JMJD1C: variants seen among roughly 807,000 people sequenced by gnomAD.
JMJD1C encodes jumonji domain-containing protein 1C.
Under a neutral mutation model 245.3 loss-of-function variants are expected in JMJD1C, and 31 were observed. The ratio of observed to expected loss-of-function variants is 0.13; its 90% CI spans 0.09 to 0.17. JMJD1C has a LOEUF of 0.17. JMJD1C is among the 10% of genes least tolerant of loss of function. JMJD1C has a pLI of 1.00. For missense variants in JMJD1C, 2,691 were observed against 3,000.2 expected, an observed-to-expected ratio of 0.90 and a Z score of 2.41; for synonymous variants, 1,057 against 1,017.4, an observed-to-expected ratio of 1.04 and a Z score of -0.74.
chr10:63,412,561 C>A (rs1240509613), intron 1 of JMJD1C, among the ~76,000 whole-genome samples: 1 of 152,112 alleles, frequency 6.6e-6, no homozygotes, highest in African/African-American at 2.4e-5. Flanking sequence ...CAGGAGGTGG[C>A]TAAAAACCTA....
intron 1 of JMJD1C, among the ~76,000 whole-genome samples, chr10:63,476,945 G>A (rs1252805209): frequency 6.6e-6 from 1 of 151,886 alleles, no homozygotes; most frequent in African/African-American, 2.4e-5. Context: ...CATCACTACA[G>A]ATTCTACAAA....
intron 1 of JMJD1C, among the ~76,000 whole-genome samples, chr10:63,380,854 G>A (rs1011637629): frequency 3.3e-5 from 5 of 152,216 alleles, no homozygotes; most frequent in African/African-American, 1.2e-4. Flanking sequence ...ATGGAAAACA[G>A]TATGGAGGTT....
intron 1 of JMJD1C, among the ~76,000 whole-genome samples, chr10:63,463,640 A>T (rs961947661): frequency 7.9e-5 from 12 of 152,192 alleles, no homozygotes; most frequent in African/African-American, 2.9e-4. Context: ...TAATATTCAA[A>T]TTTTCAAATA....
At chr10:63,370,297 C>T (rs1021855432) in intron 2 of JMJD1C, among the ~76,000 whole-genome samples, 1 of 152,202 alleles carries the variant, frequency 6.6e-6, no homozygotes, top group African/African-American at 2.4e-5. Flanking sequence ...AAACTTGAAA[C>T]TAGTGCCAGA....
intron 2 of JMJD1C, among the ~76,000 whole-genome samples, chr10:63,266,509 T>C (rs945566102): frequency 6.6e-6 from 1 of 152,164 alleles, no homozygotes; most frequent in African/African-American, 2.4e-5. Context: ...ACATGAAATA[T>C]GTAACATAAA....
At chr10:63,416,497 T>C (rs1284302660) in intron 1 of JMJD1C, among the ~76,000 whole-genome samples, 3 of 152,174 alleles carry the variant, frequency 2.0e-5, no homozygotes, top group Admixed American at 2.0e-4. Flanking sequence ...TAAACATTTC[T>C]TTGGCATGTT....
chr10:63,325,076 G>T (rs1299837519), intron 2 of JMJD1C, among the ~76,000 whole-genome samples: 2 of 152,116 alleles, frequency 1.3e-5, no homozygotes, highest in African/African-American at 4.8e-5. Context: ...AGCATACTGA[G>T]ACTAGATGTC....
At chr10:63,173,558 C>CA (rs1429678869) in intron 24 of JMJD1C, among the ~76,000 whole-genome samples, 1 of 152,002 alleles carries the variant, frequency 6.6e-6, no homozygotes, top group Non-Finnish European at 1.5e-5. Flanking sequence ...CCCATCTCCA[C>CA]AAAAAATTAA....
At chr10:63,243,415 A>G (rs993768930) in intron 3 of JMJD1C, among the ~76,000 whole-genome samples, 2 of 151,956 alleles carry the variant, frequency 1.3e-5, no homozygotes, top group Admixed American at 6.6e-5. Context: ...AATCCCAGCT[A>G]CTTGGGAGGC....
intron 1 of JMJD1C, among the ~76,000 whole-genome samples, chr10:63,511,729 AT>A (rs1172395532): frequency 1.3e-5 from 2 of 149,846 alleles, no homozygotes; most frequent in South Asian, 2.1e-4. Flanking sequence ...AAAAAAAAAA[AT>A]ATATACAGTA....
At chr10:63,227,182 G>A (rs937192471) in intron 3 of JMJD1C, among the ~76,000 whole-genome samples, 1 of 152,052 alleles carries the variant, frequency 6.6e-6, no homozygotes, top group Non-Finnish European at 1.5e-5. Context: ...TAACCATCTA[G>A]GTAATATAAA....
At chr10:63,324,227 A>G (rs982998624) in intron 2 of JMJD1C, among the ~76,000 whole-genome samples, 2 of 151,788 alleles carry the variant, frequency 1.3e-5, no homozygotes, top group Non-Finnish European at 2.9e-5. Flanking sequence ...TCATGCTTAC[A>G]ACATAAAATG....
intron 1 of JMJD1C, among the ~76,000 whole-genome samples, chr10:63,444,065 C>A (rs1039213237): frequency 2.0e-5 from 3 of 152,192 alleles, no homozygotes; most frequent in African/African-American, 4.8e-5. Context: ...TGACCACATA[C>A]ATAATCAATA....
chr10:63,193,554 T>A, intron 14 of JMJD1C, 82 bp from the exon 15 acceptor site: 1 of 848,382 alleles, frequency 1.2e-6, no homozygotes, highest in East Asian at 2.9e-5. Flanking sequence ...ATATTTTGTA[T>A]TATAATTGGG....
intron 1 of JMJD1C, among the ~76,000 whole-genome samples, chr10:63,440,703 A>C (rs1277405339): frequency 6.6e-6 from 1 of 152,192 alleles, no homozygotes; most frequent in African/African-American, 2.4e-5. Flanking sequence ...AATTCAAAAT[A>C]TCTTCCTTGA....
chr10:63,417,597 G>C (rs1358520712), intron 1 of JMJD1C, among the ~76,000 whole-genome samples: 3 of 152,214 alleles, frequency 2.0e-5, no homozygotes, highest in Non-Finnish European at 4.4e-5. Context: ...TTAACATTTT[G>C]ATAACACAGT....
intron 2 of JMJD1C, among the ~76,000 whole-genome samples, chr10:63,306,159 G>A (rs757290685): frequency 1.1e-4 from 17 of 151,936 alleles, no homozygotes; most frequent in Admixed American, 2.6e-4. Context: ...GTGTGATCTC[G>A]ACTCACTGCA....
intron 2 of JMJD1C, among the ~76,000 whole-genome samples, chr10:63,270,800 T>G (rs1380294910): frequency 2.0e-5 from 3 of 152,118 alleles, no homozygotes; most frequent in Non-Finnish European, 4.4e-5. Flanking sequence ...AGTGGAGACT[T>G]ACGTGATGAT....
chr10:63,328,296 A>G (rs1168385453), intron 2 of JMJD1C, among the ~76,000 whole-genome samples: 1 of 149,862 alleles, frequency 6.7e-6, no homozygotes, highest in Non-Finnish European at 1.5e-5. Flanking sequence ...AAAAAGAAAG[A>G]AAAGAAATAT....
Sources: gnomAD v4.1 joint callset for allele counts (sites outside exome capture counted in the v4.1 genomes callset) on GRCh38, gnomAD v4.1.1 for gene constraint, MANE v1.5 for transcripts, NCBI Gene and HGNC (gene_info 2026-07-23, HGNC 2026-07-21) for gene names.